The following LRRC9 variants were observed in gnomAD, a reference collection of about 807,000 sequenced individuals.
The protein encoded by LRRC9 is leucine rich repeat containing 9.
A neutral mutation model predicts 63.2 loss-of-function variants in LRRC9; 122 were observed. The observed-to-expected ratio is 1.93, with a 90% CI of 1.67 to 2.24. The LOEUF is 2.24. LRRC9 is among the 30% of genes most tolerant of loss of function. The probability of loss-of-function intolerance (pLI) is 0.00; values close to 1 mark genes in which losing one functional copy is unlikely to be tolerated. For missense variants in LRRC9, 1,071 were observed against 627.7 expected (o/e 1.71, Z -7.55); for synonymous variants, 366 against 213.1 (o/e 1.72, Z -6.25).
chr14:60,004,543 A>G lies in LRRC9; in HGVS notation c.2842+745A>G, dbSNP rs1889654049. Among the ~76,000 whole-genome samples the G allele has an allele frequency of 6.6e-6, 1 of 152,032 alleles. No individual in the cohort carries two copies. Among genetic ancestry groups the G allele is most frequent in the Admixed American group, 6.6e-5 (1 of 15,256 alleles). On this transcript the variant is annotated intron_variant, in intron 21 of 31. Transcript: ENST00000445360. The surrounding 1 kb of genome is among the most constrained non-coding windows in gnomAD (Gnocchi z 4.8). Reference sequence around the variant, plus strand: ...TAAAACATATTTTTCTGAACCAGAGAGAATAAAAAAGACTTTTCCTCCCTT... The same window carrying G: ...TAAAACATATTTTTCTGAACCAGAGGGAATAAAAAAGACTTTTCCTCCCTT...
At chr14:60,009,247 A>G (rs1210464795) in intron 23 of LRRC9, among the ~76,000 whole-genome samples, 3 of 152,352 alleles carry the variant, frequency 2.0e-5, no homozygotes, top group South Asian at 4.1e-4. Context: ...CTACTAATAA[A>G]GACATACCCA....
At chr14:59,967,070 CT>C in intron 11 of LRRC9, 25 bp from the exon 12 acceptor site, 1 of 599,592 alleles carries the variant, frequency 1.7e-6, no homozygotes. Flanking sequence ...AATCCTCAAA[CT>C]TTTTCTGTTT....
chr14:60,055,425 CCTT>C (rs1163345177), intron 30 of LRRC9, among the ~76,000 whole-genome samples: 1 of 152,108 alleles, frequency 6.6e-6, no homozygotes, highest in Non-Finnish European at 1.5e-5. Context: ...TTTCCTTTTC[CCTT>C]TTTTATATTC....
chr14:59,944,598 A>G (rs772925010), exon 8 of LRRC9: 4 of 569,800 alleles, frequency 7.0e-6, no homozygotes, highest in South Asian at 4.8e-5. Flanking sequence ...GACCACAGCA[A>G]TGAAAAAAAT....
intron 22 of LRRC9, among the ~76,000 whole-genome samples, chr14:60,006,972 G>C (rs1460232964): frequency 4.6e-5 from 7 of 152,002 alleles, no homozygotes; most frequent in Non-Finnish European, 1.0e-4. Context: ...ATTTGCTTTT[G>C]TTAATTCCCC....
chr14:59,981,147 T>G (rs1177629512), intron 15 of LRRC9, among the ~76,000 whole-genome samples: 1 of 152,178 alleles, frequency 6.6e-6, no homozygotes, highest in Non-Finnish European at 1.5e-5. Flanking sequence ...TTTCTCAATC[T>G]TAGCTTCCAC....
chr14:60,009,330 C>T (rs1047647602), intron 23 of LRRC9, among the ~76,000 whole-genome samples: 3 of 152,168 alleles, frequency 2.0e-5, no homozygotes, highest in Non-Finnish European at 4.4e-5. Flanking sequence ...GCCTCACAAT[C>T]ATAGTGGAAG....
intron 6 of LRRC9, among the ~76,000 whole-genome samples, chr14:59,934,175 C>T (rs756191062): frequency 1.3e-5 from 2 of 151,484 alleles, no homozygotes; most frequent in South Asian, 2.1e-4. Context: ...GGAGGAAAGA[C>T]GAGGAAGAAA....
chr14:60,012,325 T>C (rs219384), intron 23 of LRRC9, among the ~76,000 whole-genome samples: 113,070 of 152,004 alleles, frequency 0.74, 44,275 homozygotes, highest in Non-Finnish European at 0.87. Context: ...TCTCTAGACA[T>C]ATAATTACAT....
At chr14:59,980,625 C>A (rs1594932466) in intron 15 of LRRC9, among the ~76,000 whole-genome samples, 1 of 152,166 alleles carries the variant, frequency 6.6e-6, no homozygotes, top group Non-Finnish European at 1.5e-5. Flanking sequence ...GTTCTAGGAA[C>A]ATGATAATCT....
At chr14:60,023,367 G>A (rs971936223) in intron 27 of LRRC9, among the ~76,000 whole-genome samples, 14 of 151,828 alleles carry the variant, frequency 9.2e-5, no homozygotes, top group African/African-American at 2.4e-4. Context: ...TTAGCTCGTC[G>A]GCATGTATAG....
At chr14:60,028,703 C>T (rs1342135348) in intron 28 of LRRC9, among the ~76,000 whole-genome samples, 1 of 152,110 alleles carries the variant, frequency 6.6e-6, no homozygotes, top group Non-Finnish European at 1.5e-5. Flanking sequence ...TTTCTCTTAG[C>T]ATTTCTGTGG....
exon 31 of LRRC9, chr14:60,057,995 G>T: frequency 1.5e-6 from 1 of 655,872 alleles, no homozygotes; most frequent in Non-Finnish European, 2.8e-6. Flanking sequence ...CTTGGGATCT[G>T]ACGTCACTTT....
intron 8 of LRRC9, among the ~76,000 whole-genome samples, chr14:59,959,413 T>G (rs956301133): frequency 2.6e-5 from 4 of 152,214 alleles, no homozygotes; most frequent in South Asian, 2.1e-4. Context: ...ACTGAAAAAT[T>G]GAAAAGTATG....
Position 59,936,166 on chromosome 14 carries a change from T to G in LRRC9, c.544-2224T>G, listed in dbSNP as rs1369907831. ...TTTTATTATTTTATTACCATTACTT[T>G]AATTACATTGAACTGCTGTATTTCA... On this transcript the variant is annotated intron_variant, in intron 6 of 31. Coordinates refer to ENST00000445360, the Ensembl canonical transcript of LRRC9. This position sits in a 1 kb window ranked among gnomAD's most constrained non-coding sequence, Gnocchi z 4.2. 6.6e-6 allele frequency among the ~76,000 whole-genome samples: 1 copy of G among 152,182 alleles called. No homozygotes were observed. The highest frequency in any genetic ancestry group is 2.4e-5 in the African/African-American group (1 of 41,450).
At position 59,938,654 on chromosome 14, in the gene LRRC9, G is replaced by C. The variant is rs1881311159; in HGVS notation, c.726+82G>C. On this transcript the variant is annotated intron_variant, in intron 7 of 31. Coordinates refer to ENST00000445360, the Ensembl canonical transcript of LRRC9. This position sits in a 1 kb window ranked among gnomAD's most constrained non-coding sequence, Gnocchi z 4.2. ...TTTCTGGCCATGTCCACATACGGTAGGTAGGATTATCAGTTCAGTTCTTGT... is the reference window on the plus strand; with the variant it reads ...TTTCTGGCCATGTCCACATACGGTACGTAGGATTATCAGTTCAGTTCTTGT... 1 of 568,462 alleles carries C rather than the reference G, an allele frequency of 1.8e-6. No homozygotes were observed. The highest frequency in any genetic ancestry group is 3.1e-6 in the Non-Finnish European group (1 of 322,684). The allele number at this position is 568,462 out of a possible 1,614,324, so 35.2% of individuals were successfully genotyped here. A position where few individuals can be genotyped will look rare whatever the true frequency, so the allele number is the denominator to read the frequency against.
chr14:60,023,354 AG>A (rs1288783457), intron 27 of LRRC9, among the ~76,000 whole-genome samples: 1 of 151,994 alleles, frequency 6.6e-6, no homozygotes, highest in Non-Finnish European at 1.5e-5. Flanking sequence ...AGAAATTAAA[AG>A]ATTAGCTCGT....
At chr14:59,977,450 T>C (rs532262365) in intron 14 of LRRC9, 103 bp downstream of exon 14, 3 of 566,334 alleles carry the variant, frequency 5.3e-6, no homozygotes, top group Non-Finnish European at 6.2e-6. Flanking sequence ...ACAAAGTTTG[T>C]AGAATTTTCT....
At position 59,927,382 on chromosome 14, in the gene LRRC9, G is replaced by A. The variant is rs985344272; in HGVS notation, c.-33-529G>A. Among the ~76,000 whole-genome samples the A allele has an allele frequency of 1.4e-4, 22 of 152,028 alleles. No homozygotes were observed. The highest frequency in any genetic ancestry group is 4.6e-4 in the African/African-American group (19 of 41,420). On this transcript the variant is annotated intron_variant, in intron 1 of 31. Coordinates refer to ENST00000445360, the Ensembl canonical transcript of LRRC9. The surrounding 1 kb of genome is among the most constrained non-coding windows in gnomAD (Gnocchi z 4.4). Reference sequence around the variant, plus strand: ...TTAGTTGGTTCATATTCTCTAGAATGAAGGAGAAGTTGGAGTATTTATTTT... The same window carrying A: ...TTAGTTGGTTCATATTCTCTAGAATAAAGGAGAAGTTGGAGTATTTATTTT...
Sources: allele counts gnomAD v4.1 joint callset (sites outside exome capture counted in the v4.1 genomes callset), GRCh38; gene constraint gnomAD v4.1.1; non-coding constraint Gnocchi (gnomAD v3.1); transcripts MANE v1.5; gene names NCBI Gene and HGNC (gene_info 2026-07-23, HGNC 2026-07-21).